ELK3: variants seen among roughly 807,000 people sequenced by gnomAD.
The protein encoded by ELK3 is ETS domain-containing protein Elk-3.
A neutral mutation model predicts 28.9 loss-of-function variants in ELK3; 10 were observed. The observed-to-expected ratio is 0.35, with a 90% CI of 0.21 to 0.59. The LOEUF (loss-of-function observed/expected upper bound fraction) is 0.59, where lower values mean the gene tolerates loss of function less well. Among genes scored for constraint, ELK3 ranks in the 20% least tolerant of loss-of-function variants. The pLI is 0.82. For synonymous variants in ELK3, 272 were observed against 243.5 expected, an observed-to-expected ratio of 1.12 and a Z score of -1.09; for missense variants, 463 against 517.3, an observed-to-expected ratio of 0.90 and a Z score of 1.02.
chr12:96,208,403 TTTG>T (rs1438159376), intron 1 of ELK3, among the ~76,000 whole-genome samples: 1 of 152,254 alleles, frequency 6.6e-6, no homozygotes, highest in African/African-American at 2.4e-5. Flanking sequence ...TTAAGTTTAC[TTTG>T]TTATTTTAAA....
At chr12:96,208,389 A>G (rs577905544) in intron 1 of ELK3, among the ~76,000 whole-genome samples, 2 of 152,330 alleles carry the variant, frequency 1.3e-5, no homozygotes, top group Admixed American at 6.5e-5. Context: ...CCATCCAGAA[A>G]TGATTAAGTT....
intron 2 of ELK3, among the ~76,000 whole-genome samples, chr12:96,234,964 A>G (rs1951770673): frequency 2.0e-5 from 3 of 152,104 alleles, no homozygotes; most frequent in African/African-American, 4.8e-5. Context: ...GGCCCCCGGT[A>G]TTTTTTAATT....
rs371535641 is a variant in ELK3, at chr12:96,268,238, T to A, written c.*1058T>A. The A allele has an allele frequency of 6.6e-6, 1 of 152,232 alleles. No homozygotes were observed. The allele number at this position is 152,232 out of a possible 1,614,324, so 9.4% of individuals were successfully genotyped here. A position where few individuals can be genotyped will look rare whatever the true frequency, so the allele number is the denominator to read the frequency against. ...ATCAGTATAGGTAGGTGTTCACAAT[T>A]TTTGATGGATCAAAAACTTGCTGTA... On this transcript the variant is annotated 3_prime_UTR_variant, in exon 5 of 5. Coordinates refer to ENST00000228741, the MANE Select transcript of ELK3 (RefSeq NM_005230.4).
intron 1 of ELK3, among the ~76,000 whole-genome samples, chr12:96,200,133 T>A (rs575557192): frequency 6.4e-4 from 97 of 152,332 alleles, no homozygotes; most frequent in Non-Finnish European, 1.1e-3. Context: ...ATATCATGTA[T>A]AGTAATTAGA....
intron 4 of ELK3, among the ~76,000 whole-genome samples, chr12:96,263,637 C>T (rs2268501): frequency 0.049 from 7,476 of 152,226 alleles, 306 homozygotes; most frequent in East Asian, 0.14. Context: ...GGGGCAGACG[C>T]GCTTTTTCCA....
intron 2 of ELK3, among the ~76,000 whole-genome samples, chr12:96,227,612 G>C (rs1480040836): frequency 6.7e-6 from 1 of 149,702 alleles, no homozygotes; most frequent in Admixed American, 6.6e-5. Context: ...CATGCGGTCA[G>C]AAAGGCCCCG....
chr12:96,210,651 G>A (rs1183537821), intron 1 of ELK3, among the ~76,000 whole-genome samples: 3 of 151,516 alleles, frequency 2.0e-5, no homozygotes, highest in Admixed American at 6.6e-5. Flanking sequence ...GCTTCTCAAC[G>A]GCCCACTTGT....
chr12:96,227,438 G>A (rs1356878137), intron 2 of ELK3, among the ~76,000 whole-genome samples: 1 of 152,104 alleles, frequency 6.6e-6, no homozygotes, highest in Non-Finnish European at 1.5e-5. Flanking sequence ...TCCCACTTGA[G>A]TAGACAAGCA....
intron 2 of ELK3, among the ~76,000 whole-genome samples, chr12:96,235,235 C>T (rs2137024496): frequency 6.7e-6 from 1 of 149,044 alleles, no homozygotes; most frequent in South Asian, 2.2e-4. Flanking sequence ...TCTCAGGCCC[C>T]CTCCTTCCCC....
At chr12:96,254,348 G>A (rs1178722659) in intron 3 of ELK3, among the ~76,000 whole-genome samples, 3 of 152,134 alleles carry the variant, frequency 2.0e-5, no homozygotes, top group African/African-American at 7.2e-5. Flanking sequence ...TAAATAAACA[G>A]CTGCTAGAGG....
At chr12:96,233,394 A>G (rs1951757481) in intron 2 of ELK3, among the ~76,000 whole-genome samples, 1 of 152,158 alleles carries the variant, frequency 6.6e-6, no homozygotes, top group Non-Finnish European at 1.5e-5. Flanking sequence ...AGAGAGGAAA[A>G]TGGTGATAGG....
At position 96,238,823 on chromosome 12, in the gene ELK3, A is replaced by G. The variant is rs1475005487; in HGVS notation, c.208-8117A>G. On this transcript the variant is annotated intron_variant, in intron 2 of 4. Coordinates refer to ENST00000228741, the MANE Select transcript of ELK3 (RefSeq NM_005230.4). ...TCTCAAGCAAGGCCCATGCTTTCTC[A>G]GCACAGAGCTGGTTTTCCCAGGCAC... 1.8e-4 allele frequency among the ~76,000 whole-genome samples: 27 copies of G among 152,198 alleles called. 1 individual carries two copies. The highest frequency in any genetic ancestry group is 4.4e-5 in the Non-Finnish European group (3 of 68,026).
intron 3 of ELK3, among the ~76,000 whole-genome samples, chr12:96,251,100 A>G (rs1350164993): frequency 6.6e-6 from 1 of 152,194 alleles, no homozygotes; most frequent in South Asian, 2.1e-4. Context: ...TGTTCTTCCA[A>G]CAGCACACAC....
chr12:96,216,069 C>G (rs1156913693), intron 1 of ELK3, among the ~76,000 whole-genome samples: 1 of 152,216 alleles, frequency 6.6e-6, no homozygotes, highest in African/African-American at 2.4e-5. Context: ...CTCTCGGCCT[C>G]TCTACTCTGT....
rs1053124143 is a variant in ELK3 at position 96,268,554 on chromosome 12, G to T, written c.*1374G>T. ...CCACACCTGTACATGAAGAAGGAAA[G>T]TTCTAATACAAGAAAACTGAAAAGC... On this transcript the variant is annotated 3_prime_UTR_variant, in exon 5 of 5. Transcript: ENST00000228741. 14 of 152,256 alleles carry T rather than the reference G, an allele frequency of 9.2e-5. No homozygotes were observed. Among genetic ancestry groups the T allele is most frequent in the African/African-American group, 3.4e-4 (14 of 41,548 alleles). The allele number at this position is 152,256 out of a possible 1,614,324, so 9.4% of individuals were successfully genotyped here. A position where few individuals can be genotyped will look rare whatever the true frequency, so the allele number is the denominator to read the frequency against.
intron 1 of ELK3, among the ~76,000 whole-genome samples, chr12:96,220,920 T>C (rs981405111): frequency 1.3e-5 from 2 of 152,158 alleles, no homozygotes; most frequent in Non-Finnish European, 2.9e-5. Context: ...GGGGCTTGGC[T>C]TCGGACTTTG....
chr12:96,229,408 C>G (rs1951725472), intron 2 of ELK3, among the ~76,000 whole-genome samples: 1 of 152,142 alleles, frequency 6.6e-6, no homozygotes, highest in Non-Finnish European at 1.5e-5. Flanking sequence ...TTGGCCTCTC[C>G]CCAGCCCCGG....
chr12:96,249,396 G>A (rs2137034901), intron 3 of ELK3, among the ~76,000 whole-genome samples: 1 of 152,266 alleles, frequency 6.6e-6, no homozygotes, highest in South Asian at 2.1e-4. Context: ...TGCGGAGGGG[G>A]AGGGCCAGGG....
At chr12:96,198,641 T>C (rs1951488138) in intron 1 of ELK3, among the ~76,000 whole-genome samples, 1 of 152,200 alleles carries the variant, frequency 6.6e-6, no homozygotes, top group South Asian at 2.1e-4. Context: ...GGTTGGTTGT[T>C]TTTTTTCCTA....
Sources: allele counts gnomAD v4.1 joint callset (sites outside exome capture counted in the v4.1 genomes callset), GRCh38; gene constraint gnomAD v4.1.1; transcripts MANE v1.5; gene names NCBI Gene and HGNC (gene_info 2026-07-23, HGNC 2026-07-21).